The following CNTN3 variants were observed in gnomAD, a reference collection of about 807,000 sequenced individuals.
CNTN3 encodes the protein contactin-3.
A neutral mutation model predicts 119.1 loss-of-function variants in CNTN3; 60 were observed. The observed-to-expected ratio is 0.50, with a 90% CI of 0.41 to 0.62. The LOEUF (loss-of-function observed/expected upper bound fraction) is 0.62. CNTN3 is among the 20% of genes least tolerant of loss of function. The probability of loss-of-function intolerance (pLI) is 0.00; values close to 1 mark genes in which losing one functional copy is unlikely to be tolerated. For synonymous variants in CNTN3, 450 were observed against 438.7 expected, an observed-to-expected ratio of 1.03 and a Z score of -0.32; for missense variants, 1,101 against 1,242.4, an observed-to-expected ratio of 0.89 and a Z score of 1.71.
intron 17 of CNTN3, among the ~76,000 whole-genome samples, chr3:74,299,317 T>G (rs1284377739): frequency 1.3e-5 from 2 of 150,388 alleles, no homozygotes; most frequent in African/African-American, 5.0e-5. Context: ...GTAATTCTAG[T>G]ACTTTTTGAC....
chr3:74,455,455 C>A (rs959034617), intron 4 of CNTN3, among the ~76,000 whole-genome samples: 1 of 151,998 alleles, frequency 6.6e-6, no homozygotes, highest in African/African-American at 2.4e-5. Flanking sequence ...TGAATTTCCT[C>A]CTGTAGCTCG....
At chr3:74,283,175 T>A (rs766564941) in intron 20 of CNTN3, among the ~76,000 whole-genome samples, 1 of 152,148 alleles carries the variant, frequency 6.6e-6, no homozygotes, top group Non-Finnish European at 1.5e-5. Flanking sequence ...GATACCATAG[T>A]GGTTAAGACT....
intron 4 of CNTN3, among the ~76,000 whole-genome samples, chr3:74,440,975 G>A (rs890224735): frequency 4.5e-4 from 68 of 152,046 alleles, no homozygotes; most frequent in African/African-American, 1.2e-3. Flanking sequence ...TGAGAGTCCT[G>A]GAAACAATCC....
chr3:74,343,733 C>A (rs1384073273), intron 11 of CNTN3, among the ~76,000 whole-genome samples: 1 of 152,214 alleles, frequency 6.6e-6, no homozygotes, highest in Non-Finnish European at 1.5e-5. Flanking sequence ...ATTTTTGAAA[C>A]TTGACTGTGT....
intron 4 of CNTN3, among the ~76,000 whole-genome samples, chr3:74,472,770 C>T (rs1051484541): frequency 1.2e-4 from 19 of 152,178 alleles, no homozygotes; most frequent in African/African-American, 4.6e-4. Context: ...GGTTTTAGAC[C>T]ATCACAGCAA....
At chr3:74,343,555 G>A (rs1037687759) in intron 11 of CNTN3, among the ~76,000 whole-genome samples, 13 of 152,344 alleles carry the variant, frequency 8.5e-5, no homozygotes, top group Non-Finnish European at 1.9e-4. Context: ...AAGGTATGTA[G>A]AGGATGCTGA....
chr3:74,490,330 A>T (rs1227663730), intron 3 of CNTN3, among the ~76,000 whole-genome samples: 2 of 152,196 alleles, frequency 1.3e-5, no homozygotes, highest in East Asian at 3.9e-4. Context: ...CTCATGACAA[A>T]GGGCACTTGA....
intron 2 of CNTN3, among the ~76,000 whole-genome samples, chr3:74,507,324 G>A (rs936709944): frequency 2.6e-5 from 4 of 151,792 alleles, no homozygotes; most frequent in African/African-American, 9.7e-5. Flanking sequence ...AGGCTGAGAT[G>A]GGAGGATCAC....
At chr3:74,330,932 G>A (rs1207454604) in intron 13 of CNTN3, among the ~76,000 whole-genome samples, 2 of 152,134 alleles carry the variant, frequency 1.3e-5, no homozygotes, top group East Asian at 1.9e-4. Context: ...TACAATGTGT[G>A]TTTTAAGCTG....
chr3:74,514,144 T>G (rs1044378055), intron 2 of CNTN3, among the ~76,000 whole-genome samples: 1 of 152,130 alleles, frequency 6.6e-6, no homozygotes, highest in Admixed American at 6.6e-5. Flanking sequence ...CTTAACCGTC[T>G]AACATGAAAT....
intron 5 of CNTN3, 29 bp downstream of exon 5, chr3:74,424,816 A>G: frequency 1.3e-6 from 2 of 1,590,570 alleles, no homozygotes; most frequent in East Asian, 2.2e-5. Context: ...CTTAATAAAT[A>G]TGAAAAGCAG....
chr3:74,309,778 G>A (rs1288251846), intron 13 of CNTN3, among the ~76,000 whole-genome samples: 1 of 152,126 alleles, frequency 6.6e-6, no homozygotes, highest in African/African-American at 2.4e-5. Flanking sequence ...AGGCTGTGTA[G>A]GCTGTATACT....
At chr3:74,267,587 C>A (rs1232532233) in intron 20 of CNTN3, 7 of 472,732 alleles carry the variant, frequency 1.5e-5, no homozygotes, top group African/African-American at 1.4e-4. Context: ...ACCAAACCCC[C>A]GTGACACGTA....
At chr3:74,533,771 T>C (rs1408820963) in intron 1 of CNTN3, among the ~76,000 whole-genome samples, 3 of 151,950 alleles carry the variant, frequency 2.0e-5, no homozygotes, top group Non-Finnish European at 4.4e-5. Flanking sequence ...AAAAATGAGG[T>C]AATATTTTTG....
intron 1 of CNTN3, among the ~76,000 whole-genome samples, chr3:74,607,337 A>T (rs1705009901): frequency 6.6e-6 from 1 of 152,202 alleles, no homozygotes; most frequent in Non-Finnish European, 1.5e-5. Flanking sequence ...ATCACTAGCT[A>T]TATTGTTCGG....
chr3:74,479,393 CCT>C (rs1290470907), intron 4 of CNTN3, among the ~76,000 whole-genome samples: 7 of 152,030 alleles, frequency 4.6e-5, no homozygotes, highest in African/African-American at 1.7e-4. Context: ...GAAATACAGG[CCT>C]CTCTATACAA....
At chr3:74,414,877 CTTTTTTTTT>C (rs71129747) in intron 5 of CNTN3, among the ~76,000 whole-genome samples, 2 of 117,148 alleles carry the variant, frequency 1.7e-5, no homozygotes, top group Non-Finnish European at 3.4e-5. Flanking sequence ...TTCCTATAGT[CTTTTTTTTT>C]TTTTTTTTTT....
intron 4 of CNTN3, among the ~76,000 whole-genome samples, chr3:74,428,329 G>A (rs565453552): frequency 2.3e-4 from 35 of 151,842 alleles, no homozygotes; most frequent in African/African-American, 7.5e-4. Context: ...TTTTCAGAAG[G>A]AGGCATTGTC....
intron 1 of CNTN3, among the ~76,000 whole-genome samples, chr3:74,613,371 C>G (rs939594451): frequency 2.0e-5 from 3 of 151,754 alleles, no homozygotes; most frequent in African/African-American, 7.3e-5. Flanking sequence ...CTCCCTCCTG[C>G]ACATCACGCC....
Sources: gnomAD v4.1 joint callset for allele counts (sites outside exome capture counted in the v4.1 genomes callset) on GRCh38, gnomAD v4.1.1 for gene constraint, MANE v1.5 for transcripts, NCBI Gene and HGNC (gene_info 2026-07-23, HGNC 2026-07-21) for gene names.